TMEM45A: variants seen among roughly 807,000 people sequenced by gnomAD.
The protein encoded by TMEM45A is DNA polymerase-transactivated protein 4.
Under a neutral mutation model 32.0 loss-of-function variants are expected in TMEM45A, and 25 were observed. That is an observed-to-expected ratio of 0.78 (90% confidence interval 0.57 to 1.09). The LOEUF (loss-of-function observed/expected upper bound fraction) is 1.09. Among genes scored for constraint, TMEM45A ranks in the 50% least tolerant of loss-of-function variants. The pLI is 0.00. For missense variants in TMEM45A, 302 were observed against 325.0 expected (o/e 0.93, Z 0.54); for synonymous variants, 122 against 114.8 (o/e 1.06, Z -0.40).
intron 2 of TMEM45A, among the ~76,000 whole-genome samples, chr3:100,555,824 C>T (rs1706210622): frequency 6.6e-6 from 1 of 152,152 alleles, no homozygotes; most frequent in Non-Finnish European, 1.5e-5. Flanking sequence ...TTATTCATGG[C>T]AACAGGTCTT....
intron 1 of TMEM45A, among the ~76,000 whole-genome samples, chr3:100,538,528 C>G (rs900824397): frequency 6.6e-6 from 1 of 152,166 alleles, no homozygotes; most frequent in Admixed American, 6.5e-5. Flanking sequence ...TGTCATCACT[C>G]CTATGCCACA....
At chr3:100,548,584 G>T (rs1372727460) in intron 1 of TMEM45A, among the ~76,000 whole-genome samples, 1 of 152,104 alleles carries the variant, frequency 6.6e-6, no homozygotes, top group African/African-American at 2.4e-5. Context: ...CCTCCATCAG[G>T]CACCTTCTTA....
At position 100,560,610 on chromosome 3, in the gene TMEM45A, G is replaced by A. The variant is rs145566696; in HGVS notation, c.588+2021G>A. On this transcript the variant is annotated intron_variant, in intron 4 of 5. Transcript: ENST00000323523. ...TGTGTTGAGACTTCCTTTGGAATAC[G>A]GCCCAGTGTCAGTGGTTGTAAATGA... 2.4e-3 allele frequency among the ~76,000 whole-genome samples: 358 copies of A among 152,072 alleles called. 2 individuals are homozygous for A. Among genetic ancestry groups the A allele is most frequent in the African/African-American group, 8.4e-3 (350 of 41,470 alleles).
chr3:100,543,857 C>T (rs1017345742), intron 1 of TMEM45A, among the ~76,000 whole-genome samples: 23 of 152,150 alleles, frequency 1.5e-4, no homozygotes, highest in Non-Finnish European at 2.9e-5. Flanking sequence ...ATCCCGGTTC[C>T]GTTACTTATC....
chr3:100,573,986 C>G (rs1706628924), intron 5 of TMEM45A: 1 of 152,136 alleles, frequency 6.6e-6, no homozygotes, highest in Non-Finnish European at 1.5e-5. Flanking sequence ...TGATGTGCTG[C>G]TGGATTCGGT....
At chr3:100,510,049 C>T (rs1265149028) in intron 1 of TMEM45A, among the ~76,000 whole-genome samples, 1 of 152,154 alleles carries the variant, frequency 6.6e-6, no homozygotes, top group Non-Finnish European at 1.5e-5. Context: ...GGGAGGAGCG[C>T]CCGCCATTGT....
intron 1 of TMEM45A, among the ~76,000 whole-genome samples, chr3:100,537,995 A>G (rs1051712590): frequency 6.6e-6 from 1 of 152,216 alleles, no homozygotes; most frequent in East Asian, 1.9e-4. Flanking sequence ...GAAGCAGTTC[A>G]TCAACACTGA....
intron 5 of TMEM45A, 52 bp downstream of exon 5, chr3:100,569,019 T>A (rs545700095): frequency 6.5e-7 from 1 of 1,548,092 alleles, no homozygotes; most frequent in East Asian, 2.3e-5. Context: ...TATGTGATTA[T>A]CAAGACTCAG....
At chr3:100,555,837 C>T (rs1037633925) in intron 2 of TMEM45A, among the ~76,000 whole-genome samples, 18 of 152,200 alleles carry the variant, frequency 1.2e-4, no homozygotes, top group African/African-American at 4.3e-4. Flanking sequence ...CAGGTCTTTG[C>T]TATGGCATCA....
chr3:100,562,222 G>GT lies in TMEM45A; in HGVS notation c.588+3642dup, dbSNP rs1217957640. On this transcript the variant is annotated intron_variant, in intron 4 of 5. Coordinates refer to ENST00000323523, the MANE Select transcript of TMEM45A (RefSeq NM_018004.3). ...AAACTTTTTTTTTTTGCAGATTGAG[G>GT]TTTTTTTTTGGAATTTTATATAAGG... is the stretch of plus-strand genomic sequence containing the variant. 3.6e-3 allele frequency among the ~76,000 whole-genome samples: 552 copies of GT among 151,280 alleles called. 4 individuals are homozygous for GT. Among genetic ancestry groups the GT allele is most frequent in the African/African-American group, 0.013 (540 of 41,236 alleles).
chr3:100,537,817 CT>C (rs1705772554), intron 1 of TMEM45A, among the ~76,000 whole-genome samples: 1 of 151,804 alleles, frequency 6.6e-6, no homozygotes, highest in Non-Finnish European at 1.5e-5. Context: ...TGTGTCAGCC[CT>C]GCTGATTCAG....
chr3:100,498,369 T>A (rs1300359018), intron 1 of TMEM45A, among the ~76,000 whole-genome samples: 1 of 152,216 alleles, frequency 6.6e-6, no homozygotes, highest in Non-Finnish European at 1.5e-5. Context: ...GTTGGTAGGC[T>A]TCATCTAATC....
intron 2 of TMEM45A, 81 bp from the exon 3 acceptor site, chr3:100,556,679 A>G: frequency 7.8e-7 from 1 of 1,285,576 alleles, no homozygotes; most frequent in Non-Finnish European, 1.1e-6. Flanking sequence ...AGATTGGAAT[A>G]AGCAATGGAC....
In TMEM45A at chr3:100,533,142, C is replaced by T. The variant is rs532075654; in HGVS notation, c.-3-22067C>T. On this transcript the variant is annotated intron_variant, in intron 1 of 5. Coordinates refer to ENST00000323523, the MANE Select transcript of TMEM45A (RefSeq NM_018004.3). ...CTCTCCCCTCCCTTCCTTCACTTAG[C>T]GATGCAGTTGGCGAGGTCAACCAAG... is the stretch of plus-strand genomic sequence containing the variant. Among the ~76,000 whole-genome samples the T allele has an allele frequency of 2.0e-5, 3 of 152,072 alleles. No individual in the cohort carries two copies. The South Asian group carries it at 6.2e-4, about 32-fold the overall frequency.
intron 1 of TMEM45A, among the ~76,000 whole-genome samples, chr3:100,540,936 C>T (rs1025331584): frequency 2.0e-5 from 3 of 152,180 alleles, no homozygotes; most frequent in African/African-American, 7.2e-5. Context: ...AATTTACATT[C>T]CCACCAGCAG....
intron 1 of TMEM45A, among the ~76,000 whole-genome samples, chr3:100,537,849 CTGT>C (rs1705773685): frequency 1.0e-5 from 1 of 97,670 alleles, no homozygotes; most frequent in African/African-American, 2.8e-5. Flanking sequence ...TGCATTTTGA[CTGT>C]ACATTGTTTT....
chr3:100,573,158 G>A (rs1157343940), intron 5 of TMEM45A: 6 of 151,680 alleles, frequency 4.0e-5, no homozygotes, highest in Non-Finnish European at 7.4e-5. Context: ...GTAGCTTGAT[G>A]GGGATGGCAT....
chr3:100,517,431 G>A (rs992800775), intron 1 of TMEM45A, among the ~76,000 whole-genome samples: 2 of 152,208 alleles, frequency 1.3e-5, no homozygotes, highest in Non-Finnish European at 2.9e-5. Flanking sequence ...TTCTGAAAAA[G>A]TAAATTTTCA....
In TMEM45A at chr3:100,509,957, C is replaced by T. The variant is rs188564554; in HGVS notation, c.-4+17029C>T. On this transcript the variant is annotated intron_variant, in intron 1 of 5. Coordinates refer to ENST00000323523, the MANE Select transcript of TMEM45A (RefSeq NM_018004.3). ...AGGAGATTATATCCCACGCATGGCT[C>T]GGAGGGTCCTACGCCCACGGAGTCT... is the stretch of plus-strand genomic sequence containing the variant. Among the ~76,000 whole-genome samples the T allele has an allele frequency of 4.5e-3, 680 of 152,330 alleles. 1 individual carries two copies. Among genetic ancestry groups the T allele is most frequent in the Non-Finnish European group, 7.0e-3 (476 of 68,032 alleles).
Sources: gnomAD v4.1 joint callset for allele counts (sites outside exome capture counted in the v4.1 genomes callset) on GRCh38, gnomAD v4.1.1 for gene constraint, MANE v1.5 for transcripts, NCBI Gene and HGNC (gene_info 2026-07-23, HGNC 2026-07-21) for gene names.